Variants in CCDC191 observed in about 807,000 individuals in gnomAD.
CCDC191 encodes the protein coiled-coil domain-containing protein 191.
A neutral mutation model predicts 114.0 loss-of-function variants in CCDC191; 99 were observed. The observed-to-expected ratio is 0.87, with a 90% CI of 0.74 to 1.03. CCDC191 has a LOEUF of 1.03. Among genes scored for constraint, CCDC191 ranks in the 50% least tolerant of loss-of-function variants. The pLI, the probability that CCDC191 is intolerant of heterozygous loss-of-function variation, is 0.00. For synonymous variants in CCDC191, 351 were observed against 376.0 expected, an observed-to-expected ratio of 0.93 and a Z score of 0.77; for missense variants, 973 against 1,087.0, an observed-to-expected ratio of 0.90 and a Z score of 1.47.
Position 114,042,717 on chromosome 3 carries a change from T to C in CCDC191, c.401A>G (p.Tyr134Cys), listed in dbSNP as rs1256970404. 6.3e-7 allele frequency: 1 copy of C among 1,580,612 alleles called. No individual in the cohort carries two copies. The highest frequency in any genetic ancestry group is 1.4e-5 in the African/African-American group (1 of 72,600). Reference protein sequence around the residue: ...IMPEANGHLKYDKFDDLCGYL... With the variant: ...IMPEANGHLKCDKFDDLCGYL... ...TAAGTTCTTACCATCAAACTTGTCA[T>C]ATTTCAAATGGCCATTGGCTTCCGG... Residue 134 changes from tyrosine (Y) to cysteine (C), a missense_variant, in exon 4 of 17, where the codon TAT (tyrosine) becomes TGT (cysteine). Tyr to Cys is a radical substitution (Grantham distance 194). Transcript: ENST00000295878.
chr3:114,001,856 T>C (rs2075862603), intron 12 of CCDC191, 160 bp from the exon 13 acceptor site: 3 of 793,836 alleles, frequency 3.8e-6, no homozygotes, highest in Non-Finnish European at 5.8e-6. Context: ...CAACCTGTCA[T>C]CAGTTACGTA....
intron 16 of CCDC191, among the ~76,000 whole-genome samples, chr3:113,974,233 G>A (rs1263722373): frequency 6.6e-6 from 1 of 151,734 alleles, no homozygotes; most frequent in Non-Finnish European, 1.5e-5. Context: ...ATGTTGGTTA[G>A]AGTTTACATA....
At chr3:113,967,501 TATA>T (rs559580123) in intron 16 of CCDC191, among the ~76,000 whole-genome samples, 84 of 152,332 alleles carry the variant, frequency 5.5e-4, no homozygotes, top group Non-Finnish European at 9.8e-4. Flanking sequence ...GCTATCTTTT[TATA>T]ATATTTTTAT....
chr3:114,037,480 T>C (rs1170886416), intron 4 of CCDC191, among the ~76,000 whole-genome samples: 2 of 152,248 alleles, frequency 1.3e-5, no homozygotes, highest in Non-Finnish European at 2.9e-5. Context: ...TGTGTATCAA[T>C]AGTTTATCAC....
Position 114,034,999 on chromosome 3 carries a change from C to T in CCDC191, c.744G>A (p.Glu248=). The T allele has an allele frequency of 6.2e-7, 1 of 1,614,064 alleles. No individual in the cohort carries two copies. The highest frequency in any genetic ancestry group is 8.5e-7 in the Non-Finnish European group (1 of 1,179,982). The stretch of plus-strand genomic sequence containing the variant: ...GCAGCTTCACCATCTCCCTTTGAAT[C>T]TCCTCTTCCTCTTTCTTGGCCTCCA... ...KALEAKKEEE[E]IQREMVKLRR... is the part of the protein sequence containing the mutation. The change falls in exon 6 of 17, where the codon GAG becomes GAA. Residue 248 remains glutamate, a synonymous_variant. Coordinates refer to ENST00000295878, the MANE Select transcript of CCDC191 (RefSeq NM_020817.2).
chr3:113,969,204 G>A (rs925898373), intron 16 of CCDC191, among the ~76,000 whole-genome samples: 1 of 152,290 alleles, frequency 6.6e-6, no homozygotes, highest in Admixed American at 6.5e-5. Flanking sequence ...CTCCACTTCC[G>A]TCCAACATTG....
In CCDC191 at chr3:114,035,050, C is replaced by A; in HGVS notation, c.693G>T (p.Val231=). 1 of 1,614,050 alleles carries A rather than the reference C, an allele frequency of 6.2e-7. No individual in the cohort carries two copies. Among genetic ancestry groups the A allele is most frequent in the Admixed American group, 1.7e-5 (1 of 60,006 alleles). ...GAGCCTTCCTTTTCTTCTCTTCTTG[C>A]ACCAGACACTGAGCCTCCAAGAAGG... The part of the protein sequence containing the change: ...KSAFLEAQCL[V]QEEKKRKALE... The change falls in exon 6 of 17, where the codon GTG becomes GTT. Residue 231 remains valine (V), a synonymous_variant. Coordinates refer to ENST00000295878, the MANE Select transcript of CCDC191 (RefSeq NM_020817.2).
At chr3:114,045,883 C>T (rs1349291871) in intron 3 of CCDC191, among the ~76,000 whole-genome samples, 3 of 152,338 alleles carry the variant, frequency 2.0e-5, no homozygotes, top group Non-Finnish European at 2.9e-5. Context: ...TTTATTCCCA[C>T]AAGAAATGTA....
In CCDC191 at chr3:114,004,663, A is replaced by T; in HGVS notation, c.1952T>A (p.Leu651Ter). 6.2e-7 allele frequency: 1 copy of T among 1,612,816 alleles called. No individual in the cohort carries two copies. The highest frequency in any genetic ancestry group is 1.1e-5 in the South Asian group (1 of 91,032). ...TTTTAGTATGGGATGCGGTGTCATC[A>T]ATTGCTTTGGTTTCCTTCTGAGTCC... is the stretch of plus-strand genomic sequence containing the variant. ...LSGLRRKPKQ[L>*]MTPHPILKAM... The change falls in exon 11 of 17, where the codon TTG becomes TAG. Residue 651 changes from leucine to a stop codon, truncating the protein, a stop_gained. Transcript: ENST00000295878. LOFTEE classifies it high-confidence loss of function.
intron 2 of CCDC191, among the ~76,000 whole-genome samples, chr3:114,049,828 T>C (rs920783620): frequency 1.3e-5 from 2 of 152,198 alleles, no homozygotes; most frequent in African/African-American, 4.8e-5. Context: ...AAAATAAATA[T>C]GTAAGACATA....
At chr3:113,979,580 A>AT (rs1425282379) in intron 14 of CCDC191, among the ~76,000 whole-genome samples, 4 of 152,216 alleles carry the variant, frequency 2.6e-5, no homozygotes, top group African/African-American at 9.7e-5. Context: ...GAATTTATAG[A>AT]TTTTTAAAAG....
chr3:114,035,176 T>C (rs2076466062), intron 5 of CCDC191, 28 bp from the exon 6 acceptor site: 1 of 1,542,812 alleles, frequency 6.5e-7, no homozygotes, highest in Non-Finnish European at 8.9e-7. Flanking sequence ...AAAGATGAAG[T>C]GTGGCCTTTC....
chr3:113,999,221 C>G (rs2107652207), intron 13 of CCDC191, among the ~76,000 whole-genome samples: 1 of 152,256 alleles, frequency 6.6e-6, no homozygotes, highest in Non-Finnish European at 1.5e-5. Flanking sequence ...CTTCCTGTTC[C>G]CATGACTTTA....
At chr3:113,996,709 A>G (rs1406258904) in intron 13 of CCDC191, among the ~76,000 whole-genome samples, 1 of 152,218 alleles carries the variant, frequency 6.6e-6, no homozygotes, top group Admixed American at 6.5e-5. Flanking sequence ...GAATGAGATT[A>G]TGTCCTTTGC....
In CCDC191 at chr3:114,052,006, G is replaced by GACA. The variant is rs571657438; in HGVS notation, c.129+1588_129+1590dup. ...TGGATTTGGTCAGGAAGTCATTTAT[G>GACA]ACAACAGTTTCTGTGGAATGGTAAG... On this transcript the variant is annotated intron_variant, in intron 2 of 16. Coordinates refer to ENST00000295878, the MANE Select transcript of CCDC191 (RefSeq NM_020817.2). Among the ~76,000 whole-genome samples, 21 of 152,356 alleles carry GACA rather than the reference G, an allele frequency of 1.4e-4. No individual in the cohort carries two copies. The South Asian group carries it at 3.9e-3, about 29-fold the overall frequency.
Position 114,036,763 on chromosome 3 carries a change from C to T in CCDC191, c.439G>A (p.Glu147Lys), listed in dbSNP as rs752580346. 8 of 1,562,238 alleles carry T rather than the reference C, an allele frequency of 5.1e-6. No homozygotes were observed. Among genetic ancestry groups the T allele is most frequent in the South Asian group, 1.2e-5 (1 of 80,810 alleles). Residue 147 changes from glutamate to lysine, a missense_variant, in exon 5 of 17, where the codon GAA becomes AAA. Physicochemically the swap from Glu to Lys is moderately conservative, Grantham distance 56 (BLOSUM62 1). Transcript: ENST00000295878. Reference sequence around the variant, plus strand: ...TTTTGAACGGTGGTACTTTCCTCTTCTTCCTCCAAATAGCCACATAAATCT... The same window carrying T: ...TTTTGAACGGTGGTACTTTCCTCTTTTTCCTCCAAATAGCCACATAAATCT... The part of the protein sequence containing the change: ...FDDLCGYLEE[E>K]EESTTVQKFI...
intron 9 of CCDC191, among the ~76,000 whole-genome samples, chr3:114,010,001 A>G (rs1373078549): frequency 1.3e-5 from 2 of 152,174 alleles, no homozygotes; most frequent in East Asian, 3.8e-4. Flanking sequence ...CCCACACCCA[A>G]AAATTCTGTT....
intron 9 of CCDC191, 136 bp downstream of exon 9, chr3:114,010,636 G>T: frequency 2.8e-6 from 2 of 722,638 alleles, no homozygotes; most frequent in Non-Finnish European, 4.5e-6. Flanking sequence ...AATAAACACT[G>T]CCTGAAAGGT....
chr3:113,967,767 A>G (rs1467213611), intron 16 of CCDC191, among the ~76,000 whole-genome samples: 1 of 152,128 alleles, frequency 6.6e-6, no homozygotes, highest in African/African-American at 2.4e-5. Flanking sequence ...GTACCCATTA[A>G]TCAACCTCTC....
Sources: allele counts gnomAD v4.1 joint callset (sites outside exome capture counted in the v4.1 genomes callset), GRCh38; gene constraint gnomAD v4.1.1; transcripts MANE v1.5; gene names NCBI Gene and HGNC (gene_info 2026-07-23, HGNC 2026-07-21).